STAU2: variants seen among roughly 807,000 people sequenced by gnomAD.
STAU2 encodes staufen double-stranded RNA binding protein 2, also known as double-stranded RNA-binding protein Staufen homolog 2.
Under a neutral mutation model 65.9 loss-of-function variants are expected in STAU2, and 20 were observed. The observed-to-expected ratio is 0.30, with a 90% CI of 0.21 to 0.44. STAU2 has a LOEUF of 0.44. STAU2 is among the 20% of genes least tolerant of loss of function. STAU2 has a pLI of 1.00. For missense variants in STAU2, 558 were observed against 683.9 expected (o/e 0.82, Z 2.05); for synonymous variants, 232 against 233.9 (o/e 0.99, Z 0.07).
At chr8:73,582,999 G>T (rs1213893700) in intron 11 of STAU2, among the ~76,000 whole-genome samples, 169 bp from the exon 12 acceptor site, 1 of 151,946 alleles carries the variant, frequency 6.6e-6, no homozygotes, top group African/African-American at 2.4e-5. Context: ...AACATGAAGG[G>T]TATCATTTAT....
intron 12 of STAU2, among the ~76,000 whole-genome samples, chr8:73,569,591 G>A (rs568315306): frequency 6.6e-6 from 1 of 151,322 alleles, no homozygotes; most frequent in East Asian, 2.0e-4. Flanking sequence ...ATACAGCTGG[G>A]TGCCCCTCTG....
chr8:73,422,834 A>G (rs77267236), intron 13 of STAU2, 132 bp from the exon 14 acceptor site: 10,710 of 566,716 alleles, frequency 0.019, 129 homozygotes, highest in South Asian at 0.026. Context: ...GTTTAACAAA[A>G]GTACACTAGA....
At chr8:73,589,095 A>G (rs1810584655) in intron 11 of STAU2, among the ~76,000 whole-genome samples, 1 of 152,124 alleles carries the variant, frequency 6.6e-6, no homozygotes, top group East Asian at 1.9e-4. Context: ...TCCTCTCAAA[A>G]CCTCACATTA....
intron 6 of STAU2, among the ~76,000 whole-genome samples, chr8:73,644,866 A>G (rs904761220): frequency 2.6e-5 from 4 of 152,184 alleles, no homozygotes; most frequent in Admixed American, 1.3e-4. Context: ...CTCAAAAAGC[A>G]CAAGCTATCA....
chr8:73,441,704 A>G (rs1049510404), intron 13 of STAU2, among the ~76,000 whole-genome samples: 21 of 152,322 alleles, frequency 1.4e-4, no homozygotes, highest in African/African-American at 4.1e-4. Context: ...TTCTATGGCA[A>G]TTAGGGAGCA....
chr8:73,527,138 G>A (rs1006248450), intron 13 of STAU2, among the ~76,000 whole-genome samples: 5 of 152,186 alleles, frequency 3.3e-5, no homozygotes, highest in Admixed American at 6.5e-5. Flanking sequence ...TGCTGTACAC[G>A]TTTGTAGTGG....
chr8:73,488,304 G>A (rs1214908486), intron 13 of STAU2, among the ~76,000 whole-genome samples: 2 of 151,968 alleles, frequency 1.3e-5, no homozygotes, highest in African/African-American at 4.8e-5. Flanking sequence ...TATTCCAGTT[G>A]TGAATGTTCA....
At chr8:73,651,452 C>T (rs542164576) in intron 6 of STAU2, 264 of 671,734 alleles carry the variant, frequency 3.9e-4, no homozygotes, top group Admixed American at 8.1e-4. Context: ...GAAACACGAA[C>T]GGCAAATGCA....
chr8:73,597,861 C>T (rs1811319883), intron 10 of STAU2, among the ~76,000 whole-genome samples: 2 of 152,140 alleles, frequency 1.3e-5, no homozygotes, highest in African/African-American at 4.8e-5. Flanking sequence ...AAAAAGGACT[C>T]TTCAGATCTT....
At chr8:73,455,208 C>T (rs1818997838) in intron 13 of STAU2, among the ~76,000 whole-genome samples, 1 of 152,146 alleles carries the variant, frequency 6.6e-6, no homozygotes, top group Admixed American at 6.5e-5. Context: ...CTTGGGCTGG[C>T]TCTGAGACTC....
intron 3 of STAU2, among the ~76,000 whole-genome samples, chr8:73,710,882 C>A (rs1476870357): frequency 6.6e-6 from 1 of 151,878 alleles, no homozygotes; most frequent in African/African-American, 2.4e-5. Context: ...TTAGGAACTT[C>A]ATCTACAAAC....
chr8:73,743,189 T>G (rs1456262257), intron 1 of STAU2, among the ~76,000 whole-genome samples: 1 of 151,914 alleles, frequency 6.6e-6, no homozygotes, highest in Non-Finnish European at 1.5e-5. Context: ...CCACAAACTA[T>G]TCTAGTGGAA....
chr8:73,636,720 G>A (rs1049373999), intron 6 of STAU2, among the ~76,000 whole-genome samples: 15 of 151,756 alleles, frequency 9.9e-5, no homozygotes, highest in East Asian at 3.9e-4. Context: ...AGAATTAGCC[G>A]AGTGTGGTGG....
At chr8:73,636,897 T>C (rs572155397) in intron 6 of STAU2, among the ~76,000 whole-genome samples, 9 of 149,520 alleles carry the variant, frequency 6.0e-5, no homozygotes, top group African/African-American at 2.2e-4. Flanking sequence ...AGCAAAGTTA[T>C]ACTATGTTCA....
chr8:73,578,058 C>G (rs537639305), intron 12 of STAU2, among the ~76,000 whole-genome samples: 1 of 151,796 alleles, frequency 6.6e-6, no homozygotes, highest in Non-Finnish European at 1.5e-5. Context: ...TGGTTTCATC[C>G]GTTGCTCTTA....
intron 6 of STAU2, among the ~76,000 whole-genome samples, chr8:73,620,956 T>C (rs1813185218): frequency 6.6e-6 from 1 of 152,192 alleles, no homozygotes; most frequent in South Asian, 2.1e-4. Flanking sequence ...GGTTTTTGTG[T>C]GATAGGTCTG....
At chr8:73,502,412 C>T (rs2065259870) in intron 13 of STAU2, among the ~76,000 whole-genome samples, 1 of 151,902 alleles carries the variant, frequency 6.6e-6, no homozygotes, top group Non-Finnish European at 1.5e-5. Flanking sequence ...ATTCGTCATC[C>T]TAGTGTCCAA....
rs146312383 is a variant in STAU2, at chr8:73,643,816, T to C, written c.411-26365A>G. On this transcript the variant is annotated intron_variant, in intron 6 of 14. Coordinates refer to ENST00000524300, the MANE Select transcript of STAU2 (RefSeq NM_001164380.2). ...GGTGTATTACTACAGCAGAATACTA[T>C]GTAAATTTATTAAATAGTTGTACAC... 8.5e-4 allele frequency among the ~76,000 whole-genome samples: 129 copies of C among 152,350 alleles called. 1 individual carries two copies. The highest frequency in any genetic ancestry group is 2.9e-3 in the African/African-American group (122 of 41,592).
intron 13 of STAU2, among the ~76,000 whole-genome samples, chr8:73,462,749 T>G (rs995150870): frequency 6.6e-6 from 1 of 152,094 alleles, no homozygotes; most frequent in Non-Finnish European, 1.5e-5. Flanking sequence ...TTATTCCTGC[T>G]GCATCTATGC....
Sources: allele counts gnomAD v4.1 joint callset (sites outside exome capture counted in the v4.1 genomes callset), GRCh38; gene constraint gnomAD v4.1.1; transcripts MANE v1.5; gene names NCBI Gene and HGNC (gene_info 2026-07-23, HGNC 2026-07-21).